Variants in PDE10A observed in about 807,000 individuals in gnomAD.
The protein encoded by PDE10A is phosphodiesterase 10A, also known as cAMP and cAMP-inhibited cGMP 3',5'-cyclic phosphodiesterase 10A.
A neutral mutation model predicts 97.7 loss-of-function variants in PDE10A; 39 were observed. The ratio of observed to expected loss-of-function variants is 0.40; its 90% confidence interval spans 0.31 to 0.52. PDE10A has a LOEUF of 0.52. Among genes scored for constraint, PDE10A ranks in the 20% least tolerant of loss-of-function variants. The probability of loss-of-function intolerance (pLI) is 0.56; values close to 1 mark genes in which losing one functional copy is unlikely to be tolerated. For missense variants in PDE10A, 731 were observed against 1,047.8 expected (o/e 0.70, Z 4.17); for synonymous variants, 371 against 376.8 (o/e 0.98, Z 0.18).
intron 2 of PDE10A, among the ~76,000 whole-genome samples, chr6:165,492,845 T>A (rs145139783): frequency 2.7e-3 from 415 of 152,094 alleles, no homozygotes; most frequent in African/African-American, 9.7e-3. Flanking sequence ...GCCACAGCAA[T>A]CAAACAAGAG....
intron 1 of PDE10A, among the ~76,000 whole-genome samples, chr6:165,869,726 A>G (rs1048965007): frequency 3.3e-5 from 5 of 152,220 alleles, no homozygotes; most frequent in Admixed American, 2.6e-4. Flanking sequence ...CCAAAACAGC[A>G]TGGTATTCGT....
At chr6:165,513,053 C>A (rs1781589423) in intron 2 of PDE10A, among the ~76,000 whole-genome samples, 1 of 151,916 alleles carries the variant, frequency 6.6e-6, no homozygotes, top group African/African-American at 2.4e-5. Context: ...GATACAAGTT[C>A]TTAGTGAACT....
chr6:165,874,701 A>G (rs1469341011), intron 1 of PDE10A, among the ~76,000 whole-genome samples: 1 of 152,236 alleles, frequency 6.6e-6, no homozygotes, highest in Non-Finnish European at 1.5e-5. Context: ...GAAATTGGGA[A>G]GTGGAAGAAG....
intron 1 of PDE10A, among the ~76,000 whole-genome samples, chr6:165,545,882 TTCTGTATGACCCAAAAA>T (rs1783715033): frequency 6.6e-6 from 1 of 152,046 alleles, no homozygotes. Context: ...AATAGAGTCT[TTCTGTATGACCCAAAAA>T]TCTCACTAGT....
intron 18 of PDE10A, among the ~76,000 whole-genome samples, chr6:165,355,235 T>C (rs1004269424): frequency 6.6e-6 from 1 of 152,208 alleles, no homozygotes; most frequent in Non-Finnish European, 1.5e-5. Flanking sequence ...TTATGTTATA[T>C]AGAATGAAAT....
intron 1 of PDE10A, among the ~76,000 whole-genome samples, chr6:165,842,165 T>C (rs558937969): frequency 5.3e-5 from 8 of 152,374 alleles, no homozygotes; most frequent in African/African-American, 1.9e-4. Context: ...GGTTTGTCTT[T>C]GACATATTAA....
intron 1 of PDE10A, among the ~76,000 whole-genome samples, chr6:165,619,728 T>TCTA: frequency 2.0e-5 from 3 of 150,768 alleles, no homozygotes; most frequent in African/African-American, 7.3e-5. Context: ...TCCAGTGTAG[T>TCTA]GTAGTGTAGT....
intron 2 of PDE10A, among the ~76,000 whole-genome samples, chr6:165,498,692 A>G (rs951001620): frequency 6.6e-6 from 1 of 152,156 alleles, no homozygotes; most frequent in African/African-American, 2.4e-5. Flanking sequence ...AAACATTAAG[A>G]ACTTAGAATG....
At chr6:165,413,174 G>C (rs997785316) in intron 13 of PDE10A, among the ~76,000 whole-genome samples, 4 of 152,216 alleles carry the variant, frequency 2.6e-5, no homozygotes, top group East Asian at 1.9e-4. Flanking sequence ...AAACAGTCAA[G>C]GTTTAGGTAG....
At chr6:165,865,703 G>C (rs1024396715) in intron 1 of PDE10A, among the ~76,000 whole-genome samples, 8 of 151,826 alleles carry the variant, frequency 5.3e-5, no homozygotes, top group African/African-American at 1.9e-4. Context: ...AATATTTTCT[G>C]CACTTGAAGA....
chr6:165,348,902 G>GGC (rs1220884346), intron 18 of PDE10A, among the ~76,000 whole-genome samples: 1 of 152,154 alleles, frequency 6.6e-6, no homozygotes, highest in Non-Finnish European at 1.5e-5. Context: ...AGAAGGATGT[G>GGC]TTAGCTTCCC....
At chr6:165,887,954 T>A (rs768345941) in intron 1 of PDE10A, among the ~76,000 whole-genome samples, 3 of 152,188 alleles carry the variant, frequency 2.0e-5, no homozygotes, top group Non-Finnish European at 2.9e-5. Context: ...CCTCTTTGCA[T>A]CTCTTACCTC....
intron 21 of PDE10A, among the ~76,000 whole-genome samples, chr6:165,333,470 G>A (rs527309560): frequency 1.2e-4 from 19 of 152,208 alleles, no homozygotes; most frequent in Admixed American, 3.3e-4. Context: ...ACGCGGGATC[G>A]TGCAAAGGAG....
chr6:165,578,004 G>A (rs1171275753), intron 1 of PDE10A, among the ~76,000 whole-genome samples: 2 of 152,140 alleles, frequency 1.3e-5, no homozygotes, highest in African/African-American at 4.8e-5. Context: ...GCGTCTGCTC[G>A]CCCTGACTAG....
intron 1 of PDE10A, among the ~76,000 whole-genome samples, chr6:165,947,748 A>C (rs1783820177): frequency 6.6e-6 from 1 of 152,106 alleles, no homozygotes; most frequent in Non-Finnish European, 1.5e-5. Context: ...TTTGATGTCG[A>C]AATTGTCATA....
intron 1 of PDE10A, among the ~76,000 whole-genome samples, chr6:165,831,938 TTTTG>T (rs1182934423): frequency 6.6e-6 from 1 of 152,160 alleles, no homozygotes; most frequent in Non-Finnish European, 1.5e-5. Context: ...TGTCCTATTG[TTTTG>T]TTTTTGTGTT....
intron 1 of PDE10A, among the ~76,000 whole-genome samples, chr6:165,797,837 A>C (rs1778870169): frequency 6.6e-6 from 1 of 152,232 alleles, no homozygotes; most frequent in Non-Finnish European, 1.5e-5. Context: ...TTCTAAGCAG[A>C]GAACAGAAAT....
chr6:165,570,404 C>T (rs1479780816), intron 1 of PDE10A, among the ~76,000 whole-genome samples: 3 of 152,162 alleles, frequency 2.0e-5, no homozygotes, highest in African/African-American at 4.8e-5. Flanking sequence ...AATAAATGGA[C>T]AGTCCTTGAG....
chr6:165,854,220 C>T (rs2128475306), intron 1 of PDE10A, among the ~76,000 whole-genome samples: 1 of 152,310 alleles, frequency 6.6e-6, no homozygotes, highest in Admixed American at 6.5e-5. Flanking sequence ...CCAGGCTGGG[C>T]TGCAGCAGCC....
Sources: gnomAD v4.1 joint callset for allele counts (sites outside exome capture counted in the v4.1 genomes callset) on GRCh38, gnomAD v4.1.1 for gene constraint, MANE v1.5 for transcripts, NCBI Gene and HGNC (gene_info 2026-07-23, HGNC 2026-07-21) for gene names.